Variants in KLHL32 observed in about 807,000 individuals in gnomAD.
KLHL32 encodes kelch like family member 32.
In KLHL32, 35 loss-of-function variants were observed where a neutral mutation model predicts 64.8. That is an observed-to-expected ratio of 0.54 (90% CI 0.41 to 0.72). KLHL32 has a LOEUF of 0.72. Among genes scored for constraint, KLHL32 ranks in the 30% least tolerant of loss-of-function variants. KLHL32 has a pLI of 0.00. For synonymous variants in KLHL32, 259 were observed against 281.0 expected (o/e 0.92, Z 0.78); for missense variants, 589 against 768.5 (o/e 0.77, Z 2.76).
Position 97,134,825 on chromosome 6 carries a change from G to C in KLHL32, c.1701+2078G>C, listed in dbSNP as rs184576074. Among the ~76,000 whole-genome samples the C allele has an allele frequency of 1.0e-3, 159 of 152,198 alleles. 1 individual carries two copies. Among genetic ancestry groups the C allele is most frequent in the African/African-American group, 3.7e-3 (155 of 41,518 alleles). ...CACATCTCATATTTTGTTAACAGTC[G>C]TGAATGTTAGTTTGTAAGACATAGA... is the stretch of plus-strand genomic sequence containing the variant. On this transcript the variant is annotated intron_variant, in intron 10 of 10. Coordinates refer to ENST00000369261, the MANE Select transcript of KLHL32 (RefSeq NM_052904.4).
At chr6:97,026,924 G>A (rs983486103) in intron 3 of KLHL32, among the ~76,000 whole-genome samples, 10 of 152,086 alleles carry the variant, frequency 6.6e-5, no homozygotes, top group Admixed American at 3.9e-4. Context: ...AGCACTTTGG[G>A]AGGCCGAGGC....
chr6:97,139,027 CTG>C, intron 10 of KLHL32, 92 bp from the exon 11 acceptor site: 1 of 1,197,056 alleles, frequency 8.4e-7, no homozygotes, highest in East Asian at 2.4e-5. Context: ...GGTGACATAA[CTG>C]AATTTAAGTT....
intron 1 of KLHL32, among the ~76,000 whole-genome samples, chr6:96,941,862 T>C (rs1369634857): frequency 6.6e-6 from 1 of 152,104 alleles, no homozygotes; most frequent in Non-Finnish European, 1.5e-5. Flanking sequence ...CTGTTGTGTG[T>C]AATTGGGATG....
chr6:97,074,036 C>T (rs1791191568), intron 5 of KLHL32, among the ~76,000 whole-genome samples: 2 of 152,208 alleles, frequency 1.3e-5, no homozygotes, highest in African/African-American at 4.8e-5. Context: ...TTCAGTATAA[C>T]GTTTGCCTAC....
At position 96,949,992 on chromosome 6, in the gene KLHL32, C is replaced by T. The variant is rs562946001; in HGVS notation, c.-65-17004C>T. On this transcript the variant is annotated intron_variant, in intron 1 of 10. Coordinates refer to ENST00000369261, the MANE Select transcript of KLHL32 (RefSeq NM_052904.4). ...AGTGCCTTATCTTGCTGTTCAGTTA[C>T]TCTGTAAAAAGCAGGACAATGTAAT... Among the ~76,000 whole-genome samples, 150 of 152,072 alleles carry T rather than the reference C, an allele frequency of 9.9e-4. 1 individual carries two copies. Among genetic ancestry groups the T allele is most frequent in the African/African-American group, 3.4e-3 (142 of 41,506 alleles).
At chr6:96,985,462 A>G (rs1454088693) in intron 3 of KLHL32, among the ~76,000 whole-genome samples, 1 of 152,274 alleles carries the variant, frequency 6.6e-6, no homozygotes, top group African/African-American at 2.4e-5. Flanking sequence ...TATCCTGCAG[A>G]GTGTTTTCCA....
At chr6:97,053,092 A>ACACACACACACACACG (rs1219159542) in intron 4 of KLHL32, among the ~76,000 whole-genome samples, 1 of 152,068 alleles carries the variant, frequency 6.6e-6, no homozygotes, top group African/African-American at 2.4e-5. Flanking sequence ...ATACACACAC[A>ACACACACACACACACG]CACACACACA....
chr6:97,139,259 C>A lies in KLHL32; in HGVS notation c.1840C>A (p.His614Asn), dbSNP rs200415274. ...CPNLQTLQVPHHRIGTI is the reference protein window; with the variant it reads ...CPNLQTLQVPNHRIGTI ...TAACCTTCAAACTCTTCAAGTGCCT[C>A]ATCACAGGATTGGCACCATCTGAAA... is the stretch of plus-strand genomic sequence containing the variant. The change falls in exon 11 of 11, where the codon CAT (histidine) becomes AAT (asparagine). Residue 614 changes from histidine (H) to asparagine (N), a missense_variant. Around this residue, in one of 3 missense-constraint regions of KLHL32, gnomAD observed 172 missense variants for 192.0 expected, o/e 0.90. Transcript: ENST00000369261. 9 of 1,613,732 alleles carry A rather than the reference C, an allele frequency of 5.6e-6. No individual in the cohort carries two copies. In the Admixed American group the frequency reaches 6.7e-5, roughly 12 times the overall value.
intron 1 of KLHL32, among the ~76,000 whole-genome samples, chr6:96,955,002 G>C (rs1351580433): frequency 6.6e-6 from 1 of 152,186 alleles, no homozygotes; most frequent in African/African-American, 2.4e-5. Flanking sequence ...CAATGTCTGG[G>C]GAAGACCTGC....
At chr6:97,116,158 G>A (rs1005489950) in intron 7 of KLHL32, among the ~76,000 whole-genome samples, 10 of 152,310 alleles carry the variant, frequency 6.6e-5, no homozygotes, top group South Asian at 6.2e-4. Context: ...TAGGACTAAG[G>A]AAGCAGACAG....
chr6:96,918,429 A>G, the KLHL32 span, among the ~76,000 whole-genome samples: 9 of 152,186 alleles, frequency 5.9e-5, no homozygotes, highest in Non-Finnish European at 1.0e-4. Context: ...GAATGAATGG[A>G]TGATTTTAGT....
At chr6:96,936,039 G>A (rs920763069) in intron 1 of KLHL32, among the ~76,000 whole-genome samples, 1 of 152,192 alleles carries the variant, frequency 6.6e-6, no homozygotes, top group Non-Finnish European at 1.5e-5. Flanking sequence ...GTCCCTTTAA[G>A]AGAATCACTC....
rs887557450 is a variant in KLHL32 at position 96,966,535 on chromosome 6, A to C, written c.-65-461A>C. Among the ~76,000 whole-genome samples, 17 of 152,296 alleles carry C rather than the reference A, an allele frequency of 1.1e-4. 2 individuals are homozygous for C. The highest frequency in any genetic ancestry group is 3.4e-4 in the African/African-American group (14 of 41,560). The stretch of plus-strand genomic sequence containing the variant: ...CTACTTTTCAGAAATCTGCTCTTGA[A>C]TGGAAAATTATATTTCTGTAGACAC... On this transcript the variant is annotated intron_variant, in intron 1 of 10. Transcript: ENST00000369261.
At chr6:97,096,391 C>T (rs369097317) in intron 6 of KLHL32, among the ~76,000 whole-genome samples, 27 of 152,300 alleles carry the variant, frequency 1.8e-4, no homozygotes, top group Admixed American at 5.2e-4. Flanking sequence ...CCACCATTGG[C>T]TCGTTGGTCT....
intron 1 of KLHL32, among the ~76,000 whole-genome samples, chr6:96,960,497 T>A (rs1773771296): frequency 6.6e-6 from 1 of 152,240 alleles, no homozygotes; most frequent in East Asian, 1.9e-4. Context: ...TCTGTTTGTT[T>A]TTCTCTTTAA....
chr6:97,029,768 C>G (rs898045421), intron 3 of KLHL32, among the ~76,000 whole-genome samples: 1 of 152,122 alleles, frequency 6.6e-6, no homozygotes, highest in Non-Finnish European at 1.5e-5. Context: ...GATTTACTAC[C>G]CATTCTATAT....
chr6:97,139,407 G>A lies in KLHL32; in HGVS notation c.*125G>A, dbSNP rs1480667188. 1 of 842,240 alleles carries A rather than the reference G, an allele frequency of 1.2e-6. No individual in the cohort carries two copies. The highest frequency in any genetic ancestry group is 1.8e-6 in the Non-Finnish European group (1 of 553,120). The allele number at this position is 842,240 out of a possible 1,614,324, so 52.2% of individuals were successfully genotyped here. A position where few individuals can be genotyped will look rare whatever the true frequency, so the allele number is the denominator to read the frequency against. ...AGGTCTTATATTCGGATAAATTTAAGCAAAAAATGAACAATTTTCTAAAAT... is the reference window on the plus strand; with the variant it reads ...AGGTCTTATATTCGGATAAATTTAAACAAAAAATGAACAATTTTCTAAAAT... On this transcript the variant is annotated 3_prime_UTR_variant, in exon 11 of 11. Transcript: ENST00000369261.
chr6:96,959,619 T>C (rs1007521747), intron 1 of KLHL32, among the ~76,000 whole-genome samples: 32 of 152,142 alleles, frequency 2.1e-4, no homozygotes, highest in Non-Finnish European at 1.0e-4. Flanking sequence ...AGCCCAAATC[T>C]CCAACACAGT....
Position 97,114,415 on chromosome 6 carries a change from C to T in KLHL32, c.1260C>T (p.Cys420=), listed in dbSNP as rs771179544. The change falls in exon 7 of 11, where the codon TGC becomes TGT. Residue 420 remains cysteine, a synonymous_variant. Transcript: ENST00000369261. ...RQVLPTVERY[C]PKKNKWTFVQ... Reference sequence around the variant, plus strand: ...TTCTGCCTACAGTTGAGCGATATTGCCCCAAGAAGAACAAATGGACTTTTG... The same window carrying T: ...TTCTGCCTACAGTTGAGCGATATTGTCCCAAGAAGAACAAATGGACTTTTG... 47 of 1,614,054 alleles carry T rather than the reference C, an allele frequency of 2.9e-5. No homozygotes were observed. The highest frequency in any genetic ancestry group is 6.7e-5 in the African/African-American group (5 of 74,908).
Sources: allele counts gnomAD v4.1 joint callset (sites outside exome capture counted in the v4.1 genomes callset), GRCh38; gene constraint gnomAD v4.1.1; regional missense constraint gnomAD v4.1.1; transcripts MANE v1.5; gene names NCBI Gene and HGNC (gene_info 2026-07-23, HGNC 2026-07-21).